Variants in C1orf21 observed in about 807,000 individuals in gnomAD.
C1orf21 encodes the protein chromosome 1 open reading frame 21.
C1orf21 carries 3 observed loss-of-function variants against 18.7 expected under a neutral mutation model. The ratio of observed to expected loss-of-function variants is 0.16; its 90% CI spans 0.07 to 0.42. The LOEUF (loss-of-function observed/expected upper bound fraction) is 0.42, where lower values mean the gene tolerates loss of function less well. C1orf21 is among the 10% of genes least tolerant of loss of function. The pLI, the probability that C1orf21 is intolerant of heterozygous loss-of-function variation, is 0.99. For synonymous variants in C1orf21, 41 were observed against 46.4 expected (o/e 0.88, Z 0.47); for missense variants, 104 against 143.6 (o/e 0.72, Z 1.41).
chr1:184,572,490 T>C (rs1044065302), intron 3 of C1orf21, among the ~76,000 whole-genome samples: 4 of 152,226 alleles, frequency 2.6e-5, no homozygotes, highest in African/African-American at 9.7e-5. Context: ...TTCAGCAGTT[T>C]ACTGAAGTGA....
intron 1 of C1orf21, among the ~76,000 whole-genome samples, chr1:184,420,212 ATGC>A (rs1656523664): frequency 6.6e-6 from 1 of 151,710 alleles, no homozygotes; most frequent in Non-Finnish European, 1.5e-5. Context: ...AGAAAAAAAA[ATGC>A]TGGTCTCATT....
intron 1 of C1orf21, among the ~76,000 whole-genome samples, chr1:184,470,358 A>G (rs757251941): frequency 1.1e-4 from 16 of 149,104 alleles, no homozygotes; most frequent in Non-Finnish European, 2.1e-4. Flanking sequence ...TAGATTTTCA[A>G]AACAGTCCAG....
Position 184,513,496 on chromosome 1 carries a change from G to A in C1orf21, c.189+5814G>A, listed in dbSNP as rs61825200. Among the ~76,000 whole-genome samples, 864 of 152,348 alleles carry A rather than the reference G, an allele frequency of 5.7e-3. 6 individuals are homozygous for A. Among genetic ancestry groups the A allele is most frequent in the Non-Finnish European group, 7.9e-3 (535 of 68,032 alleles). ...CTGGTTGATAAGCGTATGAAAATAC[G>A]TTCCGTATCACTAGAACAGTGGATA... is the stretch of plus-strand genomic sequence containing the variant. On this transcript the variant is annotated intron_variant, in intron 3 of 5. Coordinates refer to ENST00000235307, the MANE Select transcript of C1orf21 (RefSeq NM_030806.4).
At chr1:184,469,958 T>A (rs571524885) in intron 1 of C1orf21, among the ~76,000 whole-genome samples, 1 of 152,360 alleles carries the variant, frequency 6.6e-6, no homozygotes, top group South Asian at 2.1e-4. Flanking sequence ...TGTTTCAACA[T>A]GTGGAGTGCC....
intron 1 of C1orf21, among the ~76,000 whole-genome samples, chr1:184,436,269 G>A (rs1342053743): frequency 2.0e-5 from 3 of 152,108 alleles, no homozygotes; most frequent in Admixed American, 6.6e-5. Flanking sequence ...TATTATTGGG[G>A]CGATGGAGTA....
At chr1:184,492,971 T>A (rs1657836629) in intron 2 of C1orf21, among the ~76,000 whole-genome samples, 1 of 152,244 alleles carries the variant, frequency 6.6e-6, no homozygotes, top group African/African-American at 2.4e-5. Context: ...TGTGGTTTTG[T>A]TTATTAACTT....
chr1:184,456,742 G>A (rs1024827218), intron 1 of C1orf21, among the ~76,000 whole-genome samples: 1 of 152,112 alleles, frequency 6.6e-6, no homozygotes, highest in Admixed American at 6.6e-5. Flanking sequence ...GGCACACTTT[G>A]TAACTTTATC....
chr1:184,621,996 C>T lies in C1orf21; in HGVS notation c.*2440C>T, dbSNP rs1463636493. ...GCAACACCCAACACTGTCTGTTTTC[C>T]ATTTGTTGGTTTTAATCATAAAATT... On this transcript the variant is annotated 3_prime_UTR_variant, in exon 6 of 6. Coordinates refer to ENST00000235307, the MANE Select transcript of C1orf21 (RefSeq NM_030806.4). 6.6e-6 allele frequency: 1 copy of T among 152,196 alleles called. No homozygotes were observed. The highest frequency in any genetic ancestry group is 1.5e-5 in the Non-Finnish European group (1 of 68,032). 9.4% of individuals were successfully genotyped at this position (152,196 alleles called of 1,614,324 possible).
chr1:184,421,461 C>T (rs149134864), intron 1 of C1orf21, among the ~76,000 whole-genome samples: 1 of 152,160 alleles, frequency 6.6e-6, no homozygotes, highest in Non-Finnish European at 1.5e-5. Context: ...AATAAAATTC[C>T]TTTAGGCTTT....
intron 1 of C1orf21, among the ~76,000 whole-genome samples, chr1:184,404,123 C>T (rs752858469): frequency 1.3e-4 from 20 of 152,108 alleles, no homozygotes; most frequent in Non-Finnish European, 2.9e-4. Flanking sequence ...GATGAATAAA[C>T]TGATACTCAG....
At chr1:184,434,676 G>A (rs1656829186) in intron 1 of C1orf21, among the ~76,000 whole-genome samples, 1 of 152,192 alleles carries the variant, frequency 6.6e-6, no homozygotes, top group South Asian at 2.1e-4. Context: ...GATGAGAAGG[G>A]TGATGGAAGG....
At chr1:184,388,351 G>A (rs922357725) in intron 1 of C1orf21, among the ~76,000 whole-genome samples, 15 of 152,188 alleles carry the variant, frequency 9.9e-5, no homozygotes, top group Admixed American at 7.8e-4. Context: ...CTGAGAGACG[G>A]CAAGCAGTTT....
At position 184,486,697 on chromosome 1, in the gene C1orf21, A is replaced by G. The variant is rs567535190; in HGVS notation, c.94+9094A>G. 5.3e-5 allele frequency among the ~76,000 whole-genome samples: 8 copies of G among 152,284 alleles called. No homozygotes were observed. In the East Asian group the frequency reaches 1.2e-3, roughly 22 times the overall value. On this transcript the variant is annotated intron_variant, in intron 2 of 5. Coordinates refer to ENST00000235307, the MANE Select transcript of C1orf21 (RefSeq NM_030806.4). The stretch of plus-strand genomic sequence containing the variant: ...TTAAGAAATGCTCTATACTTTCTAT[A>G]TTAAAAAAAAAATCCAAGTGCTACT...
intron 1 of C1orf21, among the ~76,000 whole-genome samples, chr1:184,413,348 A>G (rs1656387044): frequency 6.6e-6 from 1 of 152,252 alleles, no homozygotes; most frequent in Non-Finnish European, 1.5e-5. Context: ...TAAAAATTAT[A>G]CAGAATATTT....
At chr1:184,612,687 C>CAA (rs200017191) in intron 5 of C1orf21, among the ~76,000 whole-genome samples, 1 of 151,212 alleles carries the variant, frequency 6.6e-6, no homozygotes, top group African/African-American at 2.4e-5. Context: ...TCTCAAAAAA[C>CAA]AAAAAAAAGC....
intron 3 of C1orf21, among the ~76,000 whole-genome samples, chr1:184,584,048 G>A (rs1355391662): frequency 6.6e-6 from 1 of 151,492 alleles, no homozygotes; most frequent in Non-Finnish European, 1.5e-5. Flanking sequence ...GCTGCTGCTG[G>A]TAGTGAACCA....
chr1:184,408,144 A>G (rs1656278504), intron 1 of C1orf21, among the ~76,000 whole-genome samples: 1 of 152,242 alleles, frequency 6.6e-6, no homozygotes, highest in African/African-American at 2.4e-5. Flanking sequence ...ACTCAATAAT[A>G]CTGAGATTAG....
At chr1:184,585,007 T>C (rs1659332541) in intron 3 of C1orf21, among the ~76,000 whole-genome samples, 1 of 152,226 alleles carries the variant, frequency 6.6e-6, no homozygotes, top group Non-Finnish European at 1.5e-5. Context: ...TGCATAGCTC[T>C]ATAAATTTAC....
chr1:184,501,768 T>C (rs1657979661), intron 2 of C1orf21, among the ~76,000 whole-genome samples: 1 of 152,222 alleles, frequency 6.6e-6, no homozygotes. Flanking sequence ...TCCATCTTTA[T>C]GTCTGGACTA....
Sources: gnomAD v4.1 joint callset for allele counts (sites outside exome capture counted in the v4.1 genomes callset) on GRCh38, gnomAD v4.1.1 for gene constraint, MANE v1.5 for transcripts, NCBI Gene and HGNC (gene_info 2026-07-23, HGNC 2026-07-21) for gene names.